The following AP1M1 variants were observed in gnomAD, a reference collection of about 807,000 sequenced individuals.
The protein encoded by AP1M1 is adaptor related protein complex 1 subunit mu 1, also known as AP-1 complex subunit mu-1.
Under a neutral mutation model 57.1 loss-of-function variants are expected in AP1M1, and 18 were observed. The ratio of observed to expected loss-of-function variants is 0.32; its 90% CI spans 0.22 to 0.47. The LOEUF (loss-of-function observed/expected upper bound fraction) is 0.47, where lower values mean the gene tolerates loss of function less well. AP1M1 is among the 20% of genes least tolerant of loss of function. AP1M1 has a pLI of 1.00. For missense variants in AP1M1, 362 were observed against 593.5 expected (o/e 0.61, Z 4.05); for synonymous variants, 241 against 237.9 (o/e 1.01, Z -0.12).
chr19:16,225,041 A>G (rs1483388301), intron 5 of AP1M1, among the ~76,000 whole-genome samples: 1 of 152,100 alleles, frequency 6.6e-6, no homozygotes, highest in Admixed American at 6.5e-5. Flanking sequence ...CGCTTGCGAG[A>G]TGAGGACAGG....
At chr19:16,218,675 T>C (rs2091529383) in intron 5 of AP1M1, among the ~76,000 whole-genome samples, 2 of 152,190 alleles carry the variant, frequency 1.3e-5, no homozygotes, top group South Asian at 2.1e-4. Context: ...CTGCGTCTAG[T>C]TGGCCATCTT....
intron 1 of AP1M1, among the ~76,000 whole-genome samples, chr19:16,202,313 G>C (rs951528551): frequency 3.3e-5 from 5 of 152,238 alleles, no homozygotes; most frequent in Admixed American, 3.3e-4. Flanking sequence ...AAGAGCTGCA[G>C]CTGCTCCAGG....
intron 10 of AP1M1, 181 bp from the exon 11 acceptor site, chr19:16,234,018 G>A (rs1401304291): frequency 1.4e-5 from 9 of 622,810 alleles, no homozygotes; most frequent in Non-Finnish European, 2.2e-5. Context: ...TCCAGAGGCG[G>A]CTCTGCCCTC....
At chr19:16,216,117 A>G (rs1228989118) in intron 5 of AP1M1, among the ~76,000 whole-genome samples, 1 of 152,128 alleles carries the variant, frequency 6.6e-6, no homozygotes, top group Non-Finnish European at 1.5e-5. Flanking sequence ...CAATGTTCCT[A>G]ATCTCAATGA....
chr19:16,236,512 T>A lies in AP1M1; in HGVS notation c.*2077T>A, dbSNP rs1340095917. On this transcript the variant is annotated 3_prime_UTR_variant, in exon 12 of 12. Coordinates refer to ENST00000291439, the MANE Select transcript of AP1M1 (RefSeq NM_032493.4). ...GGGGGCCAGGTGGCAGATAGGACTT[T>A]GGGCATCGGGAAGATGGTGAAATGC... The A allele has an allele frequency of 2.6e-5, 4 of 152,180 alleles. No homozygotes were observed. Among genetic ancestry groups the A allele is most frequent in the Non-Finnish European group, 4.4e-5 (3 of 68,064 alleles). The allele number at this position is 152,180 out of a possible 1,614,324, so 9.4% of individuals were successfully genotyped here.
At chr19:16,198,217 C>T (rs899393479) in intron 1 of AP1M1, 149 bp downstream of exon 1, 28 of 751,284 alleles carry the variant, frequency 3.7e-5, no homozygotes, top group Non-Finnish European at 5.4e-5. Context: ...AGAGCCCCAT[C>T]CTGTTTCTGG....
In AP1M1 at chr19:16,227,975, T is replaced by C. The variant is rs938523369; in HGVS notation, c.817-162T>C. Reference sequence around the variant, plus strand: ...CCGGTAGCTCCCGGCTACCTCGGCCTGTCTGCCCTGGCCCTCCCTGACGCT... The same window carrying C: ...CCGGTAGCTCCCGGCTACCTCGGCCCGTCTGCCCTGGCCCTCCCTGACGCT... On this transcript the variant is annotated intron_variant, in intron 7 of 11. Coordinates refer to ENST00000291439, the MANE Select transcript of AP1M1 (RefSeq NM_032493.4). The surrounding 1 kb of genome is among the most constrained non-coding windows in gnomAD (Gnocchi z 6.2). Among the ~76,000 whole-genome samples, 4 of 152,354 alleles carry C rather than the reference T, an allele frequency of 2.6e-5. No homozygotes were observed. Among genetic ancestry groups the C allele is most frequent in the African/African-American group, 7.2e-5 (3 of 41,596 alleles).
chr19:16,227,836 T>C lies in AP1M1; in HGVS notation c.816+146T>C. ...TCTGCAGAGATGGAGTCTGAGGACT[T>C]GGGACTCCGAGCTTTCTGAGGGGCA... On this transcript the variant is annotated intron_variant, in intron 7 of 11. Transcript: ENST00000291439. The surrounding 1 kb of genome is among the most constrained non-coding windows in gnomAD (Gnocchi z 6.2). 2.7e-6 allele frequency: 3 copies of C among 1,125,396 alleles called. No homozygotes were observed. Among genetic ancestry groups the C allele is most frequent in the Non-Finnish European group, 3.8e-6 (3 of 784,450 alleles). The allele number at this position is 1,125,396 out of a possible 1,614,324, so 69.7% of individuals were successfully genotyped here. A position where few individuals can be genotyped will look rare whatever the true frequency, so the allele number is the denominator to read the frequency against.
At chr19:16,213,658 CG>C (rs2091505194) in intron 5 of AP1M1, among the ~76,000 whole-genome samples, 1 of 152,086 alleles carries the variant, frequency 6.6e-6, no homozygotes. Context: ...CCACGCCTGG[CG>C]GTTTTCTATT....
intron 5 of AP1M1, among the ~76,000 whole-genome samples, chr19:16,210,840 G>A (rs1158889257): frequency 6.6e-6 from 1 of 152,172 alleles, no homozygotes; most frequent in Admixed American, 6.5e-5. Flanking sequence ...GATTACAGGT[G>A]TGAGCTACCA....
At chr19:16,233,673 C>T in intron 10 of AP1M1, 55 bp downstream of exon 10, 1 of 1,560,296 alleles carries the variant, frequency 6.4e-7, no homozygotes, top group Non-Finnish European at 8.7e-7. Flanking sequence ...CCGCAGGTGA[C>T]AGATATCAAT....
Position 16,228,082 on chromosome 19 carries a change from TG to T in AP1M1, c.817-52del. 1 of 1,563,124 alleles carries T rather than the reference TG, an allele frequency of 6.4e-7. No individual in the cohort carries two copies. ...CTGGGCCTTGGTTTCCCCTCTGAAA[TG>T]GGCCTTTGTCAAACAAGGCCAGGTG... On this transcript the variant is annotated intron_variant, in intron 7 of 11. Transcript: ENST00000291439. The surrounding 1 kb of genome is among the most constrained non-coding windows in gnomAD (Gnocchi z 5.0).
At chr19:16,223,491 G>A (rs1230642239) in intron 5 of AP1M1, among the ~76,000 whole-genome samples, 1 of 152,218 alleles carries the variant, frequency 6.6e-6, no homozygotes, top group Non-Finnish European at 1.5e-5. Flanking sequence ...CAGCCCACAT[G>A]GAGAGAGGAC....
chr19:16,208,082 T>C lies in AP1M1; in HGVS notation c.331T>C (p.Tyr111His). ...ESIRDNFVII[Y>H]ELLDELMDFG... ...CATCCGGGACAACTTTGTTATCATCTACGAGCTGCTGGACGAGCTCATGGA... is the reference window on the plus strand; with the variant it reads ...CATCCGGGACAACTTTGTTATCATCCACGAGCTGCTGGACGAGCTCATGGA... The change falls in exon 4 of 12, where the codon TAC (tyrosine) becomes CAC (histidine). Residue 111 changes from tyrosine to histidine, a missense_variant. Physicochemically the swap from Tyr to His is moderately conservative, Grantham distance 83. Transcript: ENST00000291439. 1 of 1,613,988 alleles carries C rather than the reference T, an allele frequency of 6.2e-7. No individual in the cohort carries two copies. Among genetic ancestry groups the C allele is most frequent in the South Asian group, 1.1e-5 (1 of 91,078 alleles).
rs756194794 is a variant in AP1M1, at chr19:16,208,084, C to T, written c.333C>T (p.Tyr111=). Residue 111 remains tyrosine, a synonymous_variant, in exon 4 of 12, where the codon TAC becomes TAT. Transcript: ENST00000291439. ...TCCGGGACAACTTTGTTATCATCTA[C>T]GAGCTGCTGGACGAGCTCATGGACT... ...ESIRDNFVII[Y]ELLDELMDFG... is the part of the protein sequence containing the mutation. 8 of 1,613,834 alleles carry T rather than the reference C, an allele frequency of 5.0e-6. No individual in the cohort carries two copies. Among genetic ancestry groups the T allele is most frequent in the South Asian group, 3.3e-5 (3 of 91,072 alleles).
At chr19:16,234,092 G>T (rs575093446) in intron 10 of AP1M1, 107 bp from the exon 11 acceptor site, 4 of 1,131,988 alleles carry the variant, frequency 3.5e-6, no homozygotes, top group Non-Finnish European at 2.5e-6. Context: ...TCATCCTGTC[G>T]TCATGGCCTC....
chr19:16,228,107 T>G lies in AP1M1; in HGVS notation c.817-30T>G. ...TGGGCCTTTGTCAAACAAGGCCAGG[T>G]GTGAGCACCCTCTTTGCCCTCCTTG... is the stretch of plus-strand genomic sequence containing the variant. On this transcript the variant is annotated intron_variant, in intron 7 of 11. Coordinates refer to ENST00000291439, the MANE Select transcript of AP1M1 (RefSeq NM_032493.4). The surrounding 1 kb of genome is among the most constrained non-coding windows in gnomAD (Gnocchi z 5.0). 6.2e-7 allele frequency: 1 copy of G among 1,611,344 alleles called. No homozygotes were observed. Among genetic ancestry groups the G allele is most frequent in the Non-Finnish European group, 8.5e-7 (1 of 1,178,470 alleles).
rs551276052 is a variant in AP1M1, at chr19:16,244,342, C to T, written c.*9907C>T. ...GGCTAACACTAAAGAAAATTGTAAA[C>T]AGTGTACTCACATCAGGCACAAGGA... On this transcript the variant is annotated 3_prime_UTR_variant, in exon 12 of 12. Coordinates refer to ENST00000291439, the MANE Select transcript of AP1M1 (RefSeq NM_032493.4). The T allele has an allele frequency of 2.0e-5, 3 of 152,182 alleles. No individual in the cohort carries two copies. Among genetic ancestry groups the T allele is most frequent in the Admixed American group, 1.3e-4 (2 of 15,262 alleles). The allele number at this position is 152,182 out of a possible 1,614,324, so 9.4% of individuals were successfully genotyped here.
chr19:16,197,975 T>TCGCTGTCGCCGCCACCGCCCTCGGC lies in AP1M1; in HGVS notation c.-47_-46insTCGCCGCCACCGCCCTCGGCCGCTG. The TCGCTGTCGCCGCCACCGCCCTCGGC allele has an allele frequency of 3.4e-6, 5 of 1,451,814 alleles. No individual in the cohort carries two copies. Among genetic ancestry groups the TCGCTGTCGCCGCCACCGCCCTCGGC allele is most frequent in the South Asian group, 1.3e-5 (1 of 77,830 alleles). The allele number at this position is 1,451,814 out of a possible 1,614,324, so 89.9% of individuals were successfully genotyped here. A position where few individuals can be genotyped will look rare whatever the true frequency, so the allele number is the denominator to read the frequency against. On this transcript the variant is annotated 5_prime_UTR_variant, in exon 1 of 12. Coordinates refer to ENST00000291439, the MANE Select transcript of AP1M1 (RefSeq NM_032493.4). ...GCTCAACGCCCAGCAGTCCCCACCG[T>TCGCTGTCGCCGCCACCGCCCTCGGC]CGCTGCCGCCGCCACCGCCCTCGGC...
Sources: allele counts gnomAD v4.1 joint callset (sites outside exome capture counted in the v4.1 genomes callset), GRCh38; gene constraint gnomAD v4.1.1; non-coding constraint Gnocchi (gnomAD v3.1); transcripts MANE v1.5; gene names NCBI Gene and HGNC (gene_info 2026-07-23, HGNC 2026-07-21).